PLEKHA5: variants seen among roughly 807,000 people sequenced by gnomAD.
The protein encoded by PLEKHA5 is pleckstrin homology domain-containing family A member 5.
A neutral mutation model predicts 181.9 loss-of-function variants in PLEKHA5; 55 were observed. The ratio of observed to expected loss-of-function variants is 0.30; its 90% CI spans 0.24 to 0.38. PLEKHA5 has a LOEUF of 0.38. PLEKHA5 is among the 10% of genes least tolerant of loss of function. The pLI is 1.00. For missense variants in PLEKHA5, 1,432 were observed against 1,549.5 expected, an observed-to-expected ratio of 0.92 and a Z score of 1.27; for synonymous variants, 535 against 529.4, an observed-to-expected ratio of 1.01 and a Z score of -0.15.
chr12:19,322,381 C>T lies in PLEKHA5; in HGVS notation c.2289C>T (p.His763=). The T allele has an allele frequency of 6.2e-7, 1 of 1,609,692 alleles. No homozygotes were observed. The highest frequency in any genetic ancestry group is 8.5e-7 in the Non-Finnish European group (1 of 1,176,110). ...HALEEKLQQL[H]KEKYTLEQAL... Reference sequence around the variant, plus strand: ...TGGAAGAGAAACTTCAGCAACTCCACAAGGAGAAAGTAGGACAATTATGTT... The same window carrying T: ...TGGAAGAGAAACTTCAGCAACTCCATAAGGAGAAAGTAGGACAATTATGTT... The change falls in exon 19 of 32, where the codon CAC becomes CAT. Residue 763 remains histidine (H), a synonymous_variant. Coordinates refer to ENST00000429027, the MANE Select transcript of PLEKHA5 (RefSeq NM_001256470.2).
intron 3 of PLEKHA5, among the ~76,000 whole-genome samples, chr12:19,253,061 T>TA (rs1471773045): frequency 2.3e-5 from 3 of 132,916 alleles, no homozygotes; most frequent in Non-Finnish European, 4.8e-5. Flanking sequence ...CAAATCAACT[T>TA]ACCTTTTTTT....
intron 3 of PLEKHA5, among the ~76,000 whole-genome samples, chr12:19,140,793 CTATT>C (rs141632403): frequency 6.4e-4 from 98 of 152,102 alleles, no homozygotes; most frequent in African/African-American, 2.2e-3. Context: ...AAAAAGGAAA[CTATT>C]TTCTTTTTGG....
At chr12:19,256,553 ACCTGT>A (rs2066921141) in intron 5 of PLEKHA5, among the ~76,000 whole-genome samples, 4 of 152,196 alleles carry the variant, frequency 2.6e-5, no homozygotes, top group African/African-American at 9.6e-5. Context: ...TTTAAGCATT[ACCTGT>A]TTGAAAGTAA....
chr12:19,253,553 A>C (rs1317598809), intron 3 of PLEKHA5, among the ~76,000 whole-genome samples: 1 of 151,910 alleles, frequency 6.6e-6, no homozygotes, highest in African/African-American at 2.4e-5. Flanking sequence ...GCCGTGTCTC[A>C]TGCCTGTAAT....
At chr12:19,325,673 G>A (rs1346506539) in intron 20 of PLEKHA5, among the ~76,000 whole-genome samples, 1 of 128,906 alleles carries the variant, frequency 7.8e-6, no homozygotes, top group Non-Finnish European at 1.7e-5. Flanking sequence ...GGGCGACAGA[G>A]CGAGACTCTG....
At chr12:19,257,868 CAACT>C (rs926369597) in intron 6 of PLEKHA5, among the ~76,000 whole-genome samples, 1 of 151,890 alleles carries the variant, frequency 6.6e-6, no homozygotes, top group African/African-American at 2.4e-5. Flanking sequence ...TTGAAATAAA[CAACT>C]AAATATTAAT....
chr12:19,320,542 A>C lies in PLEKHA5; in HGVS notation c.2155-20A>C, dbSNP rs371949225. ...TTTAAATAAGATTTTTTAAGTTGCTATATGATTTTTTTCTTATAGCTGTCA... is the reference window on the plus strand; with the variant it reads ...TTTAAATAAGATTTTTTAAGTTGCTCTATGATTTTTTTCTTATAGCTGTCA... On this transcript the variant is annotated intron_variant, in intron 17 of 31. Coordinates refer to ENST00000429027, the MANE Select transcript of PLEKHA5 (RefSeq NM_001256470.2). 1 of 1,243,712 alleles carries C rather than the reference A, an allele frequency of 8.0e-7. No homozygotes were observed. The highest frequency in any genetic ancestry group is 1.2e-6 in the Non-Finnish European group (1 of 859,694). The allele number at this position is 1,243,712 out of a possible 1,614,324, so 77.0% of individuals were successfully genotyped here.
chr12:19,343,568 C>G, intron 22 of PLEKHA5, 134 bp downstream of exon 22: 2 of 654,196 alleles, frequency 3.1e-6, no homozygotes, highest in Non-Finnish European at 5.5e-6. Context: ...TTAAACAAAT[C>G]TAGTTGTATG....
intron 3 of PLEKHA5, among the ~76,000 whole-genome samples, chr12:19,141,616 A>G (rs908611519): frequency 3.9e-5 from 6 of 152,222 alleles, no homozygotes; most frequent in African/African-American, 9.7e-5. Context: ...TTGCAGAAGT[A>G]ATAGTTGAAG....
At chr12:19,133,606 C>A (rs2034676293) in intron 3 of PLEKHA5, among the ~76,000 whole-genome samples, 1 of 151,824 alleles carries the variant, frequency 6.6e-6, no homozygotes, top group Non-Finnish European at 1.5e-5. Flanking sequence ...ATTATAATTA[C>A]CTGTATGGTT....
chr12:19,313,364 C>G (rs1036402748), intron 15 of PLEKHA5, among the ~76,000 whole-genome samples: 1 of 152,070 alleles, frequency 6.6e-6, no homozygotes, highest in Admixed American at 6.6e-5. Flanking sequence ...AACAGATCAC[C>G]GTAACACTTA....
chr12:19,209,061 A>G (rs2056355978), intron 3 of PLEKHA5, among the ~76,000 whole-genome samples: 1 of 152,204 alleles, frequency 6.6e-6, no homozygotes, highest in Non-Finnish European at 1.5e-5. Flanking sequence ...TTTTACACCA[A>G]AATAAGCCTG....
rs372125137 is a variant in PLEKHA5 at position 19,359,395 on chromosome 12, A to G, written c.3349-17A>G. 3.1e-6 allele frequency: 5 copies of G among 1,608,592 alleles called. No individual in the cohort carries two copies. The highest frequency in any genetic ancestry group is 2.7e-5 in the African/African-American group (2 of 74,674). On this transcript the variant is annotated splice_polypyrimidine_tract_variant and intron_variant, in intron 27 of 31. Coordinates refer to ENST00000429027, the MANE Select transcript of PLEKHA5 (RefSeq NM_001256470.2). ...TGCACAGTATGAGTATAAAAATGCT[A>G]TATGTCTTTTGAGCAGACTCGAAGG... is the stretch of plus-strand genomic sequence containing the variant.
intron 3 of PLEKHA5, among the ~76,000 whole-genome samples, chr12:19,166,367 A>G (rs1180247778): frequency 1.3e-5 from 2 of 152,152 alleles, no homozygotes; most frequent in Non-Finnish European, 2.9e-5. Flanking sequence ...AATGTTATAT[A>G]ACTAAATGGC....
chr12:19,138,885 G>A (rs1007352986), intron 3 of PLEKHA5, among the ~76,000 whole-genome samples: 5 of 152,166 alleles, frequency 3.3e-5, no homozygotes, highest in African/African-American at 1.2e-4. Context: ...ACTGTGTCCG[G>A]TCTTTGAATG....
intron 3 of PLEKHA5, among the ~76,000 whole-genome samples, chr12:19,171,690 T>A (rs2151673533): frequency 6.6e-6 from 1 of 152,336 alleles, no homozygotes; most frequent in African/African-American, 2.4e-5. Context: ...TTGCAATTTT[T>A]AAAAATTCTT....
intron 26 of PLEKHA5, among the ~76,000 whole-genome samples, chr12:19,356,033 C>T (rs2094907052): frequency 6.6e-6 from 1 of 151,896 alleles, no homozygotes; most frequent in Non-Finnish European, 1.5e-5. Flanking sequence ...GGAATGGTGG[C>T]AGGCACCTGT....
rs547782256 is a variant in PLEKHA5 at position 19,313,290 on chromosome 12, G to A, written c.2038-1524G>A. On this transcript the variant is annotated intron_variant, in intron 15 of 31. Transcript: ENST00000429027. The stretch of plus-strand genomic sequence containing the variant: ...TGCGAGAGGCTGATGTGGGAGGATC[G>A]CCTAAGCCTAGGAGTTTGAGGCTGC... Among the ~76,000 whole-genome samples the A allele has an allele frequency of 3.3e-5, 5 of 152,208 alleles. No homozygotes were observed. The South Asian group carries it at 8.3e-4, about 25-fold the overall frequency.
chr12:19,238,718 A>G (rs1252787741), intron 3 of PLEKHA5, among the ~76,000 whole-genome samples: 3 of 149,404 alleles, frequency 2.0e-5, no homozygotes, highest in Admixed American at 6.9e-5. Context: ...ATGACATCAT[A>G]GGTCATGGGT....
Sources: gnomAD v4.1 joint callset for allele counts (sites outside exome capture counted in the v4.1 genomes callset) on GRCh38, gnomAD v4.1.1 for gene constraint, MANE v1.5 for transcripts, NCBI Gene and HGNC (gene_info 2026-07-23, HGNC 2026-07-21) for gene names.